The following RBFOX2 variants were observed in gnomAD, a reference collection of about 807,000 sequenced individuals.
RBFOX2 encodes the protein RNA binding fox-1 homolog 2.
RBFOX2 carries 10 observed loss-of-function variants against 49.1 expected under a neutral mutation model. The ratio of observed to expected loss-of-function variants is 0.20; its 90% CI spans 0.13 to 0.35. RBFOX2 has a LOEUF of 0.35. Ranked by LOEUF, RBFOX2 falls within the 10% of genes least tolerant of loss-of-function variation. The pLI is 1.00. For missense variants in RBFOX2, 323 were observed against 486.9 expected (o/e 0.66, Z 3.17); for synonymous variants, 183 against 187.4 (o/e 0.98, Z 0.19).
upstream of RBFOX2, chr22:35,840,623 C>CGT (rs1157342118): frequency 1.0e-5 from 11 of 1,067,560 alleles, no homozygotes; most frequent in South Asian, 9.6e-5. Context: ...CGCGTGTGTG[C>CGT]GTGTGTGCGT....
rs373624244 is a variant in RBFOX2, at chr22:35,783,253, G to A, written c.253-1507C>T. 9.2e-5 allele frequency among the ~76,000 whole-genome samples: 14 copies of A among 152,230 alleles called. No individual in the cohort carries two copies. In the South Asian group the frequency reaches 2.7e-3, roughly 29 times the overall value. On this transcript the variant is annotated intron_variant, in intron 2 of 11. Coordinates refer to ENST00000405409, the Ensembl canonical transcript of RBFOX2. ...AGACAGAACAGGGAGCTCTCCGTGGGCCACCCCATTAAGCCAGTCGGAGCA... is the reference window on the plus strand; with the variant it reads ...AGACAGAACAGGGAGCTCTCCGTGGACCACCCCATTAAGCCAGTCGGAGCA...
chr22:35,889,580 T>C (rs1037685534), intron 1 of RBFOX2, among the ~76,000 whole-genome samples: 3 of 152,180 alleles, frequency 2.0e-5, no homozygotes, highest in Admixed American at 6.5e-5. Flanking sequence ...CTCTGCACTT[T>C]TACTCTCCTC....
intron 1 of RBFOX2, among the ~76,000 whole-genome samples, chr22:35,905,475 T>C (rs1301007629): frequency 1.3e-5 from 2 of 152,188 alleles, no homozygotes; most frequent in East Asian, 3.8e-4. Flanking sequence ...ATTTTATAGT[T>C]ATACAACACA....
intron 1 of RBFOX2, chr22:35,994,059 A>T (rs2058084563): frequency 1.3e-5 from 2 of 152,168 alleles, no homozygotes; most frequent in African/African-American, 4.8e-5. Context: ...ACCAGAAAGA[A>T]GCACACCAGT....
chr22:35,890,398 A>C (rs1245534704), intron 1 of RBFOX2, among the ~76,000 whole-genome samples: 2 of 152,188 alleles, frequency 1.3e-5, no homozygotes, highest in Non-Finnish European at 2.9e-5. Flanking sequence ...TAAGTTAGGC[A>C]CAGTAAGAGA....
intron 1 of RBFOX2, among the ~76,000 whole-genome samples, chr22:35,874,188 G>A (rs920803105): frequency 6.6e-6 from 1 of 152,194 alleles, no homozygotes; most frequent in South Asian, 2.1e-4. Context: ...ATGCTGTGAG[G>A]AAACCTGCCT....
chr22:35,861,038 A>G (rs970333613), intron 1 of RBFOX2, among the ~76,000 whole-genome samples: 2 of 152,232 alleles, frequency 1.3e-5, no homozygotes, highest in Non-Finnish European at 1.5e-5. Context: ...AACAGAATAG[A>G]AAGTCCAGAA....
intron 1 of RBFOX2, among the ~76,000 whole-genome samples, chr22:35,817,219 G>A (rs1426098716): frequency 2.6e-5 from 4 of 152,012 alleles, no homozygotes; most frequent in Non-Finnish European, 1.5e-5. Context: ...TGGCTCCCAA[G>A]GTAATTCCAG....
intron 1 of RBFOX2, among the ~76,000 whole-genome samples, chr22:35,982,882 C>A (rs2057531653): frequency 6.6e-6 from 1 of 151,954 alleles, no homozygotes; most frequent in East Asian, 1.9e-4. Context: ...TACAAAACTA[C>A]CACAGCCCTA....
chr22:35,767,811 G>C (rs1941473512), intron 5 of RBFOX2, among the ~76,000 whole-genome samples: 1 of 152,106 alleles, frequency 6.6e-6, no homozygotes, highest in South Asian at 2.1e-4. Flanking sequence ...GGCCTCCCAA[G>C]AGAGAGGATA....
chr22:35,846,125 G>A (rs1185204919), intron 1 of RBFOX2, among the ~76,000 whole-genome samples: 2 of 149,308 alleles, frequency 1.3e-5, no homozygotes, highest in African/African-American at 4.9e-5. Flanking sequence ...AACTATATAA[G>A]TATAAACTAT....
chr22:35,824,268 T>C (rs1955174243), intron 1 of RBFOX2: 1 of 152,034 alleles, frequency 6.6e-6, no homozygotes, highest in South Asian at 2.1e-4. Context: ...ACAGAAAAGA[T>C]TTGCAAGGGT....
intron 1 of RBFOX2, among the ~76,000 whole-genome samples, chr22:35,991,518 A>T (rs983731316): frequency 7.9e-5 from 12 of 152,188 alleles, no homozygotes; most frequent in African/African-American, 2.7e-4. Flanking sequence ...GGGCCTTTGG[A>T]CAGGAGTCAG....
At chr22:35,935,117 G>A (rs1450170585) in intron 1 of RBFOX2, among the ~76,000 whole-genome samples, 1 of 151,886 alleles carries the variant, frequency 6.6e-6, no homozygotes, top group African/African-American at 2.4e-5. Flanking sequence ...TTTATTTTTA[G>A]TAGAGACAAG....
Position 35,832,694 on chromosome 22 carries a change from T to A in RBFOX2, c.27+7498A>T, listed in dbSNP as rs114461687. ...CTAAAATTACAAAATTAGCCAGGTG[T>A]GGTGGCATGCACCCGTAGTCCTACC... is the stretch of plus-strand genomic sequence containing the variant. On this transcript the variant is annotated intron_variant, in intron 1 of 11. Coordinates refer to ENST00000405409, the Ensembl canonical transcript of RBFOX2. 2.6e-3 allele frequency among the ~76,000 whole-genome samples: 393 copies of A among 151,970 alleles called. 4 individuals are homozygous for A. The highest frequency in any genetic ancestry group is 9.3e-3 in the African/African-American group (384 of 41,438).
chr22:35,833,184 C>T (rs1450192065), intron 1 of RBFOX2, among the ~76,000 whole-genome samples: 2 of 152,068 alleles, frequency 1.3e-5, no homozygotes, highest in Non-Finnish European at 2.9e-5. Context: ...AGTCAGTAAA[C>T]ATTCTGGAAA....
chr22:36,028,619 C>CCCCGCCCG (rs963342718), exon 1 of RBFOX2, among the ~76,000 whole-genome samples: 32 of 149,408 alleles, frequency 2.1e-4, no homozygotes, highest in East Asian at 9.9e-4. Flanking sequence ...ACCGCTTGCT[C>CCCCGCCCG]CCCGCCCGCC....
At chr22:35,948,237 C>T (rs1263921923) in intron 1 of RBFOX2, among the ~76,000 whole-genome samples, 1 of 152,144 alleles carries the variant, frequency 6.6e-6, no homozygotes. Context: ...GGTATGACAA[C>T]GTATGCTTCA....
rs961142662 is a variant in RBFOX2, at chr22:35,826,514, G to A, written c.27+13678C>T. On this transcript the variant is annotated intron_variant, in intron 1 of 11. Coordinates refer to ENST00000405409, the Ensembl canonical transcript of RBFOX2. ...AACAGTCACATCAATACAAATATGAGGGGAAAAATCACATTCTTCTTCCTA... is the reference window on the plus strand; with the variant it reads ...AACAGTCACATCAATACAAATATGAAGGGAAAAATCACATTCTTCTTCCTA... Among the ~76,000 whole-genome samples the A allele has an allele frequency of 2.6e-5, 4 of 152,076 alleles. No homozygotes were observed. In the South Asian group the frequency reaches 8.3e-4, roughly 32 times the overall value.
Sources: allele counts gnomAD v4.1 joint callset (sites outside exome capture counted in the v4.1 genomes callset), GRCh38; gene constraint gnomAD v4.1.1; transcripts MANE v1.5; gene names NCBI Gene and HGNC (gene_info 2026-07-23, HGNC 2026-07-21).